FAM3B: variants seen among roughly 807,000 people sequenced by gnomAD.
FAM3B encodes FAM3 metabolism regulating signaling molecule B, also known as protein FAM3B.
A neutral mutation model predicts 28.4 loss-of-function variants in FAM3B; 29 were observed. The observed-to-expected ratio is 1.02, with a 90% CI of 0.76 to 1.39. The LOEUF is 1.39. FAM3B is among the 40% of genes most tolerant of loss of function. The pLI, the probability that FAM3B is intolerant of heterozygous loss-of-function variation, is 0.00. For synonymous variants in FAM3B, 91 were observed against 103.0 expected, an observed-to-expected ratio of 0.88 and a Z score of 0.71; for missense variants, 266 against 293.9, an observed-to-expected ratio of 0.91 and a Z score of 0.69.
At chr21:41,304,592 C>G (rs763204391) in intron 1 of FAM3B, among the ~76,000 whole-genome samples, 4 of 152,216 alleles carry the variant, frequency 2.6e-5, no homozygotes, top group Non-Finnish European at 4.4e-5. Flanking sequence ...TGGGCATGGA[C>G]CCCAGGCTCT....
chr21:41,350,240 G>A (rs75158704), intron 7 of FAM3B, among the ~76,000 whole-genome samples: 1,881 of 152,260 alleles, frequency 0.012, 43 homozygotes, highest in African/African-American at 0.043. Context: ...CATTCTCCCC[G>A]GGATTTCCTC....
chr21:41,348,764 T>C (rs200741191), intron 7 of FAM3B, 40 bp downstream of exon 7: 2 of 1,612,912 alleles, frequency 1.2e-6, no homozygotes, highest in East Asian at 4.5e-5. Context: ...CAATGGTGAG[T>C]ATAGTAAATG....
Position 41,348,739 on chromosome 21 carries a change from A to C in FAM3B, c.618+15A>C. 1.2e-6 allele frequency: 2 copies of C among 1,614,172 alleles called. No individual in the cohort carries two copies. The highest frequency in any genetic ancestry group is 1.7e-6 in the Non-Finnish European group (2 of 1,180,024). On this transcript the variant is annotated intron_variant, in intron 7 of 7. Transcript: ENST00000357985. The stretch of plus-strand genomic sequence containing the variant: ...AGAGAGAAAAGGTGAGTGGTTTTAA[A>C]ATGTCCCTTCCCACCAATGGTGAGT...
chr21:41,353,643 T>C (rs2089140353), intron 7 of FAM3B, among the ~76,000 whole-genome samples: 1 of 152,230 alleles, frequency 6.6e-6, no homozygotes, highest in Non-Finnish European at 1.5e-5. Flanking sequence ...CCTCATACCA[T>C]ATACAAAAAT....
chr21:41,340,227 C>T (rs1021197712), intron 3 of FAM3B, among the ~76,000 whole-genome samples: 6 of 150,162 alleles, frequency 4.0e-5, no homozygotes, highest in Non-Finnish European at 8.9e-5. Context: ...CATCTCGGCT[C>T]ACTGCAACCT....
At chr21:41,304,435 G>A (rs1376917092) in intron 1 of FAM3B, 8 of 368,096 alleles carry the variant, frequency 2.2e-5, no homozygotes, top group East Asian at 7.9e-5. Context: ...TGCCTGCACC[G>A]GCGGTTTCCC....
upstream of FAM3B, among the ~76,000 whole-genome samples, chr21:41,312,680 T>C (rs1435531609): frequency 2.0e-5 from 3 of 152,032 alleles, no homozygotes; most frequent in African/African-American, 7.2e-5. Context: ...ATGTAAGTTA[T>C]GAAGCAGAAA....
At chr21:41,305,266 G>A (rs2088677508) in intron 1 of FAM3B, among the ~76,000 whole-genome samples, 1 of 152,126 alleles carries the variant, frequency 6.6e-6, no homozygotes. Flanking sequence ...AGAGGTATAG[G>A]CGATATGCCC....
Position 41,348,730 on chromosome 21 carries a change from T to C in FAM3B, c.618+6T>C, listed in dbSNP as rs1347238015. 2 of 1,614,066 alleles carry C rather than the reference T, an allele frequency of 1.2e-6. No individual in the cohort carries two copies. The highest frequency in any genetic ancestry group is 1.7e-6 in the Non-Finnish European group (2 of 1,180,012). ...CCGAAATTCAGAGAGAAAAGGTGAG[T>C]GGTTTTAAAATGTCCCTTCCCACCA... On this transcript the variant is annotated splice_donor_region_variant and intron_variant, in intron 7 of 7. Transcript: ENST00000357985.
chr21:41,326,961 G>A lies in FAM3B; in HGVS notation c.163+3895G>A, dbSNP rs998016429. Among the ~76,000 whole-genome samples, 1 of 152,210 alleles carries A rather than the reference G, an allele frequency of 6.6e-6. No homozygotes were observed. The highest frequency in any genetic ancestry group is 1.5e-5 in the Non-Finnish European group (1 of 68,040). On this transcript the variant is annotated intron_variant, in intron 2 of 7. Transcript: ENST00000357985. The surrounding 1 kb of genome is among the most constrained non-coding windows in gnomAD (Gnocchi z 4.0). ...CTGTCATGGGATTGAGGCCAGGCCT[G>A]GTGCCCTTTGATCATTGCAAAGGCT... is the stretch of plus-strand genomic sequence containing the variant.
chr21:41,351,397 A>G lies in FAM3B; in HGVS notation c.618+2673A>G, dbSNP rs546716887. ...GTTATCCAAGTTACTACAGGAGTATAAAGACGAGACCTAAACACAGCAAGC... is the reference window on the plus strand; with the variant it reads ...GTTATCCAAGTTACTACAGGAGTATGAAGACGAGACCTAAACACAGCAAGC... On this transcript the variant is annotated intron_variant, in intron 7 of 7. Coordinates refer to ENST00000357985, the MANE Select transcript of FAM3B (RefSeq NM_058186.4). Among the ~76,000 whole-genome samples the G allele has an allele frequency of 3.9e-5, 6 of 152,326 alleles. 1 individual carries two copies. The highest frequency in any genetic ancestry group is 2.0e-4 in the Admixed American group (3 of 15,306).
chr21:41,337,239 A>G (rs1304570703), intron 2 of FAM3B, among the ~76,000 whole-genome samples: 1 of 152,250 alleles, frequency 6.6e-6, no homozygotes, highest in Non-Finnish European at 1.5e-5. Flanking sequence ...AGAGTGAGAG[A>G]GTGCTTTCTG....
Position 41,338,613 on chromosome 21 carries a change from T to C in FAM3B, c.287+112T>C, listed in dbSNP as rs2088977245. ...ACAGGAGAGAACCATATGTCGTTGGTCTCAGGCAAAAGGCTGAGAGCATCC... is the reference window on the plus strand; with the variant it reads ...ACAGGAGAGAACCATATGTCGTTGGCCTCAGGCAAAAGGCTGAGAGCATCC... On this transcript the variant is annotated intron_variant, in intron 3 of 7. Transcript: ENST00000357985. The C allele has an allele frequency of 4.2e-6, 6 of 1,435,466 alleles. No individual in the cohort carries two copies. In the South Asian group the frequency reaches 6.9e-5, roughly 17 times the overall value. The allele number at this position is 1,435,466 out of a possible 1,614,324, so 88.9% of individuals were successfully genotyped here. A position where few individuals can be genotyped will look rare whatever the true frequency, so the allele number is the denominator to read the frequency against.
intron 2 of FAM3B, among the ~76,000 whole-genome samples, chr21:41,336,109 A>G (rs1210244043): frequency 1.3e-5 from 2 of 152,188 alleles, no homozygotes; most frequent in Non-Finnish European, 2.9e-5. Flanking sequence ...TGAAGGAGGC[A>G]TGTTTGCCCG....
In FAM3B at chr21:41,348,592, AC is replaced by A. The variant is rs2089085663; in HGVS notation, c.487del (p.Leu163Ter). The stretch of plus-strand genomic sequence containing the variant: ...ACATGCTTTTCCCTTTGTCCTGCAG[AC>A]TGAATAACGATGCCAAGAATGCCAT... ...MVTYDDGSTR[L>X]NNDAKNAIEA... On this transcript the variant is annotated frameshift_variant and splice_region_variant, in exon 7 of 8. Transcript: ENST00000357985. LOFTEE classifies it high-confidence loss of function. 6.2e-7 allele frequency: 1 copy of A among 1,614,090 alleles called. No homozygotes were observed. Among genetic ancestry groups the A allele is most frequent in the Non-Finnish European group, 8.5e-7 (1 of 1,180,048 alleles).
chr21:41,324,426 C>T lies in FAM3B; in HGVS notation c.163+1360C>T, dbSNP rs182161970. 3.3e-5 allele frequency among the ~76,000 whole-genome samples: 5 copies of T among 152,304 alleles called. No homozygotes were observed. The East Asian group carries it at 9.7e-4, about 29-fold the overall frequency. On this transcript the variant is annotated intron_variant, in intron 2 of 7. Transcript: ENST00000357985. ...ATGGCCAGGACCAAAGGGATTCATC[C>T]AGTGGCCAGTAAAGTCACAGGAACA...
intron 2 of FAM3B, among the ~76,000 whole-genome samples, chr21:41,332,458 A>G (rs2088914684): frequency 1.3e-5 from 2 of 152,290 alleles, no homozygotes; most frequent in South Asian, 4.2e-4. Context: ...ATCTACGTTC[A>G]TCCGGGATAT....
chr21:41,348,859 T>A, intron 7 of FAM3B, 135 bp downstream of exon 7: 1 of 965,940 alleles, frequency 1.0e-6, no homozygotes. Context: ...AGATCAGCAT[T>A]AGATCCGGAC....
At chr21:41,356,040 T>TAC (rs59345837) in intron 7 of FAM3B, among the ~76,000 whole-genome samples, 15,612 of 119,690 alleles carry the variant, frequency 0.13, 836 homozygotes, top group East Asian at 0.19. Context: ...AAAAAATACA[T>TAC]ACACACACAC....
Sources: gnomAD v4.1 joint callset for allele counts (sites outside exome capture counted in the v4.1 genomes callset) on GRCh38, gnomAD v4.1.1 for gene constraint, Gnocchi (gnomAD v3.1) non-coding constraint, MANE v1.5 for transcripts, NCBI Gene and HGNC (gene_info 2026-07-23, HGNC 2026-07-21) for gene names.